GRIK2: variants seen among roughly 807,000 people sequenced by gnomAD.
GRIK2 encodes glutamate ionotropic receptor kainate type subunit 2, also known as glutamate receptor ionotropic, kainate 2.
In GRIK2, 32 loss-of-function variants were observed where a neutral mutation model predicts 100.3. The ratio of observed to expected loss-of-function variants is 0.32; its 90% CI spans 0.24 to 0.43. The LOEUF is 0.43. Among genes scored for constraint, GRIK2 ranks in the 20% least tolerant of loss-of-function variants. GRIK2 has a pLI of 1.00. For missense variants in GRIK2, 843 were observed against 1,114.9 expected, an observed-to-expected ratio of 0.76 and a Z score of 3.47; for synonymous variants, 417 against 389.4, an observed-to-expected ratio of 1.07 and a Z score of -0.83.
intron 2 of GRIK2, among the ~76,000 whole-genome samples, chr6:101,590,555 C>A (rs1456305186): frequency 1.3e-5 from 2 of 151,958 alleles, no homozygotes; most frequent in Admixed American, 6.6e-5. Flanking sequence ...CCGTTCCAGC[C>A]CACAGTGCTT....
intron 2 of GRIK2, among the ~76,000 whole-genome samples, chr6:101,520,209 A>G (rs961446942): frequency 6.6e-6 from 1 of 151,950 alleles, no homozygotes; most frequent in Admixed American, 6.6e-5. Context: ...TCATTGCACA[A>G]AATTCTAAAG....
intron 11 of GRIK2, among the ~76,000 whole-genome samples, chr6:101,885,896 G>T (rs1786577379): frequency 6.6e-6 from 1 of 152,020 alleles, no homozygotes; most frequent in Non-Finnish European, 1.5e-5. Context: ...TACAGTTGAT[G>T]ATTTATTATT....
chr6:101,734,693 T>C (rs1264256937), intron 7 of GRIK2, among the ~76,000 whole-genome samples: 1 of 152,138 alleles, frequency 6.6e-6, no homozygotes, highest in East Asian at 1.9e-4. Flanking sequence ...TACAGGGCCC[T>C]GAAGGACACA....
At chr6:101,985,524 A>G (rs1793972138) in intron 14 of GRIK2, among the ~76,000 whole-genome samples, 1 of 151,698 alleles carries the variant, frequency 6.6e-6, no homozygotes, top group Non-Finnish European at 1.5e-5. Flanking sequence ...CAAGTTTGGG[A>G]CCATATTTGG....
intron 7 of GRIK2, among the ~76,000 whole-genome samples, chr6:101,708,471 T>G (rs1773487974): frequency 6.6e-6 from 1 of 151,266 alleles, no homozygotes; most frequent in Admixed American, 6.6e-5. Context: ...TTTTCATAAT[T>G]TTTAGTGAGT....
At chr6:101,804,192 T>A (rs1166338844) in intron 9 of GRIK2, among the ~76,000 whole-genome samples, 3 of 151,986 alleles carry the variant, frequency 2.0e-5, no homozygotes, top group Non-Finnish European at 4.4e-5. Flanking sequence ...TGTTGAATTA[T>A]TGATTGTTAG....
At chr6:102,010,775 T>G (rs1795493273) in intron 14 of GRIK2, among the ~76,000 whole-genome samples, 1 of 152,074 alleles carries the variant, frequency 6.6e-6, no homozygotes, top group African/African-American at 2.4e-5. Context: ...GTTAGAATTA[T>G]ACAGTAAGTA....
At chr6:101,755,407 T>A (rs938264085) in intron 7 of GRIK2, among the ~76,000 whole-genome samples, 1 of 152,100 alleles carries the variant, frequency 6.6e-6, no homozygotes, top group Non-Finnish European at 1.5e-5. Flanking sequence ...GACCTTGTGA[T>A]CCGCCTGCCT....
chr6:101,699,492 GTC>G (rs1341979449), intron 7 of GRIK2, among the ~76,000 whole-genome samples: 3 of 152,008 alleles, frequency 2.0e-5, no homozygotes, highest in African/African-American at 7.2e-5. Flanking sequence ...ATCAGGCCTT[GTC>G]TACACTGTAC....
In GRIK2 at chr6:101,889,738, G is replaced by C; in HGVS notation, c.1623G>C (p.Leu541Phe). 6.2e-7 allele frequency: 1 copy of C among 1,609,544 alleles called. No homozygotes were observed. Among genetic ancestry groups the C allele is most frequent in the Non-Finnish European group, 8.5e-7 (1 of 1,178,370 alleles). ...TTATGACACTTGGAATAAGTATTTT[G>C]TACCGCAAGCCCAATGGTACAAACC... ...KPFMTLGISI[L>F]YRKPNGTNPG... Residue 541 changes from leucine (L) to phenylalanine (F), a missense_variant, in exon 12 of 17, where the codon TTG becomes TTC. Leu to Phe is a conservative substitution (Grantham distance 22). This residue lies in a region of GRIK2 where 237 missense variants were observed against 388.0 expected (regional missense o/e 0.61). Coordinates refer to ENST00000369134, the MANE Select transcript of GRIK2 (RefSeq NM_021956.5).
rs74362088 is a variant in GRIK2, at chr6:101,988,474, T to C, written c.2086-46867T>C. Among the ~76,000 whole-genome samples the C allele has an allele frequency of 3.9e-5, 6 of 151,936 alleles. No homozygotes were observed. The East Asian group carries it at 1.2e-3, about 30-fold the overall frequency. On this transcript the variant is annotated intron_variant, in intron 14 of 16. Coordinates refer to ENST00000369134, the MANE Select transcript of GRIK2 (RefSeq NM_021956.5). ...GGCAGCACAATACAGTGACAAAGAA[T>C]ATTAGCTCTGGGGCTGCACTGCCTA...
chr6:102,023,339 G>A (rs1304880849), intron 14 of GRIK2, among the ~76,000 whole-genome samples: 1 of 151,158 alleles, frequency 6.6e-6, no homozygotes, highest in East Asian at 2.0e-4. Context: ...TAAAAAGGGA[G>A]GGGTAAAAAA....
At chr6:101,670,110 G>A (rs574720585) in intron 4 of GRIK2, among the ~76,000 whole-genome samples, 19 of 152,066 alleles carry the variant, frequency 1.2e-4, no homozygotes, top group Non-Finnish European at 2.6e-4. Flanking sequence ...CATTGAATGT[G>A]AAAAGCATTA....
At chr6:101,880,806 A>T (rs531854372) in intron 11 of GRIK2, among the ~76,000 whole-genome samples, 1 of 152,182 alleles carries the variant, frequency 6.6e-6, no homozygotes, top group African/African-American at 2.4e-5. Flanking sequence ...CAAACATAGT[A>T]GCTAACAACA....
intron 2 of GRIK2, among the ~76,000 whole-genome samples, chr6:101,475,264 T>A (rs977035368): frequency 6.6e-6 from 1 of 151,948 alleles, no homozygotes; most frequent in African/African-American, 2.4e-5. Context: ...CATCCTCTTG[T>A]GTCTAGTAAA....
intron 2 of GRIK2, among the ~76,000 whole-genome samples, chr6:101,590,233 C>T (rs1197197195): frequency 6.6e-6 from 1 of 152,084 alleles, no homozygotes; most frequent in African/African-American, 2.4e-5. Flanking sequence ...ATCTACTCTT[C>T]TTTTTTCCTG....
At chr6:101,735,829 A>T (rs1296731730) in intron 7 of GRIK2, among the ~76,000 whole-genome samples, 4 of 152,320 alleles carry the variant, frequency 2.6e-5, no homozygotes, top group African/African-American at 9.6e-5. Flanking sequence ...TCAAAGTCTT[A>T]ACTCATTTCA....
chr6:101,856,772 A>T (rs1203413541), intron 10 of GRIK2, among the ~76,000 whole-genome samples: 9 of 152,152 alleles, frequency 5.9e-5, no homozygotes, highest in Admixed American at 2.0e-4. Flanking sequence ...AGAAATCCTA[A>T]CTAATTTTCT....
Position 101,548,602 on chromosome 6 carries a change from G to A in GRIK2, c.116-73347G>A, listed in dbSNP as rs1208839335. The stretch of plus-strand genomic sequence containing the variant: ...AATCCTTTCCTCGTTTCTCGTTTTT[G>A]TCAGGTTTGCCAAAGATCAGATAGT... On this transcript the variant is annotated intron_variant, in intron 2 of 16. Coordinates refer to ENST00000369134, the MANE Select transcript of GRIK2 (RefSeq NM_021956.5). Among the ~76,000 whole-genome samples the A allele has an allele frequency of 3.3e-5, 5 of 152,076 alleles. No homozygotes were observed. The East Asian group carries it at 9.7e-4, about 29-fold the overall frequency.
Sources: allele counts gnomAD v4.1 joint callset (sites outside exome capture counted in the v4.1 genomes callset), GRCh38; gene constraint gnomAD v4.1.1; regional missense constraint gnomAD v4.1.1; transcripts MANE v1.5; gene names NCBI Gene and HGNC (gene_info 2026-07-23, HGNC 2026-07-21).